The following PLXNA4 variants were observed in gnomAD, a reference collection of about 807,000 sequenced individuals.
The protein encoded by PLXNA4 is plexin A4.
Under a neutral mutation model 191.8 loss-of-function variants are expected in PLXNA4, and 44 were observed. That is an observed-to-expected ratio of 0.23 (90% CI 0.18 to 0.29). The LOEUF is 0.29. Among genes scored for constraint, PLXNA4 ranks in the 10% least tolerant of loss-of-function variants. PLXNA4 has a pLI of 1.00. For synonymous variants in PLXNA4, 1,082 were observed against 1,009.5 expected, an observed-to-expected ratio of 1.07 and a Z score of -1.36; for missense variants, 1,800 against 2,488.8, an observed-to-expected ratio of 0.72 and a Z score of 5.89.
chr7:132,403,779 T>C (rs926549673), intron 3 of PLXNA4, among the ~76,000 whole-genome samples: 2 of 152,036 alleles, frequency 1.3e-5, no homozygotes, highest in Non-Finnish European at 2.9e-5. Flanking sequence ...AAGAGGGCAT[T>C]TGGGGGCTTA....
At chr7:132,327,169 C>CAAAAAAA (rs60359571) in intron 3 of PLXNA4, among the ~76,000 whole-genome samples, 1 of 124,500 alleles carries the variant, frequency 8.0e-6, no homozygotes, top group African/African-American at 2.9e-5. Context: ...AAAAGGAAGG[C>CAAAAAAA]AAAAAAAAAA....
intron 2 of PLXNA4, among the ~76,000 whole-genome samples, chr7:132,584,148 C>A (rs1223832917): frequency 6.6e-6 from 1 of 152,136 alleles, no homozygotes; most frequent in Non-Finnish European, 1.5e-5. Flanking sequence ...GCATGGGAAC[C>A]CATCAGATAC....
At chr7:132,631,414 T>G (rs1803487718) in intron 2 of PLXNA4, among the ~76,000 whole-genome samples, 1 of 152,174 alleles carries the variant, frequency 6.6e-6, no homozygotes, top group Non-Finnish European at 1.5e-5. Flanking sequence ...TAACAAGTGT[T>G]TGATGAATCA....
intron 4 of PLXNA4, among the ~76,000 whole-genome samples, chr7:132,289,951 C>T (rs937413312): frequency 2.0e-4 from 31 of 152,146 alleles, no homozygotes; most frequent in Admixed American, 9.2e-4. Flanking sequence ...AGGTGGCCCT[C>T]GCCACTTCAC....
Position 132,153,571 on chromosome 7 carries a change from C to A in PLXNA4, c.4661-4925G>T, listed in dbSNP as rs766331672. On this transcript the variant is annotated intron_variant, in intron 25 of 31. Coordinates refer to ENST00000321063, the MANE Select transcript of PLXNA4 (RefSeq NM_020911.2). ...TCTAGGAAGGGGAGAGGTAGGGGGA[C>A]CCTGGCCTGCCTCCAAGTGTGTGGA... Among the ~76,000 whole-genome samples, 6 of 152,166 alleles carry A rather than the reference C, an allele frequency of 3.9e-5. No homozygotes were observed. In the East Asian group the frequency reaches 7.7e-4, roughly 20 times the overall value.
intron 3 of PLXNA4, among the ~76,000 whole-genome samples, chr7:132,484,530 C>T (rs1156505170): frequency 1.3e-5 from 2 of 152,220 alleles, no homozygotes; most frequent in Non-Finnish European, 2.9e-5. Flanking sequence ...TCATGGAAAT[C>T]GGTCAGCCCT....
At chr7:132,514,802 GCACACACACACA>G (rs10632716) in intron 1 of PLXNA4, among the ~76,000 whole-genome samples, 3 of 149,118 alleles carry the variant, frequency 2.0e-5, no homozygotes, top group South Asian at 2.1e-4. Flanking sequence ...GTGTCTCTAT[GCACACACACACA>G]CACACACACA....
At chr7:132,489,811 C>T (rs954220673) in intron 2 of PLXNA4, among the ~76,000 whole-genome samples, 3 of 152,112 alleles carry the variant, frequency 2.0e-5, no homozygotes, top group Admixed American at 1.3e-4. Flanking sequence ...GGAAAAGCCT[C>T]ACGTGGAAAA....
intron 3 of PLXNA4, among the ~76,000 whole-genome samples, chr7:132,372,575 C>G (rs1347879728): frequency 6.6e-6 from 1 of 152,218 alleles, no homozygotes; most frequent in Non-Finnish European, 1.5e-5. Context: ...AACGTGTCCT[C>G]TCTATCTTCA....
At chr7:132,363,489 G>C (rs1180865559) in intron 3 of PLXNA4, among the ~76,000 whole-genome samples, 1 of 152,134 alleles carries the variant, frequency 6.6e-6, no homozygotes, top group African/African-American at 2.4e-5. Context: ...ATGTCTTCAA[G>C]GTTCATCCAT....
intron 3 of PLXNA4, among the ~76,000 whole-genome samples, chr7:132,315,339 CT>C (rs1281583683): frequency 6.6e-6 from 1 of 152,186 alleles, no homozygotes. Context: ...TCAAAGACTT[CT>C]TGTCCAAAAC....
intron 1 of PLXNA4, among the ~76,000 whole-genome samples, chr7:132,528,952 T>C (rs1414442232): frequency 6.6e-6 from 1 of 152,220 alleles, no homozygotes; most frequent in African/African-American, 2.4e-5. Context: ...TCGCTGATGA[T>C]ACTTTGCTGC....
upstream of PLXNA4, among the ~76,000 whole-genome samples, chr7:132,581,489 G>T (rs191475052): frequency 7.5e-4 from 115 of 152,318 alleles, no homozygotes; most frequent in Admixed American, 1.3e-3. Flanking sequence ...CGCCACTGGT[G>T]GGTGTGCTTA....
intron 3 of PLXNA4, among the ~76,000 whole-genome samples, chr7:132,400,999 G>A (rs534477076): frequency 2.3e-4 from 35 of 152,318 alleles, no homozygotes; most frequent in African/African-American, 7.9e-4. Flanking sequence ...GGCCAGAAGA[G>A]GACTCCAGCG....
intron 3 of PLXNA4, among the ~76,000 whole-genome samples, chr7:132,466,563 G>T (rs995378144): frequency 6.6e-6 from 1 of 152,200 alleles, no homozygotes; most frequent in Non-Finnish European, 1.5e-5. Context: ...GAGCTGCTGT[G>T]GGGAAACCCC....
intron 3 of PLXNA4, among the ~76,000 whole-genome samples, chr7:132,456,237 G>A (rs771315189): frequency 1.3e-5 from 2 of 150,834 alleles, no homozygotes; most frequent in Non-Finnish European, 1.5e-5. Flanking sequence ...TCAGCCTCCC[G>A]AGTAGCTGGG....
chr7:132,222,731 C>A (rs1798188658), intron 9 of PLXNA4, among the ~76,000 whole-genome samples: 1 of 152,184 alleles, frequency 6.6e-6, no homozygotes, highest in African/African-American at 2.4e-5. Flanking sequence ...AGTCCTTGCC[C>A]ACACTCTGAC....
intron 4 of PLXNA4, among the ~76,000 whole-genome samples, chr7:132,270,887 A>G (rs1342844567): frequency 6.6e-6 from 1 of 152,360 alleles, no homozygotes; most frequent in Non-Finnish European, 1.5e-5. Context: ...AGAATTATAG[A>G]AAAATGTTTT....
intron 2 of PLXNA4, among the ~76,000 whole-genome samples, chr7:132,591,313 A>G (rs1802600300): frequency 6.6e-6 from 1 of 152,192 alleles, no homozygotes; most frequent in African/African-American, 2.4e-5. Context: ...CCCTCATCAA[A>G]TCACTCAAAC....
Sources: gnomAD v4.1 joint callset for allele counts (sites outside exome capture counted in the v4.1 genomes callset) on GRCh38, gnomAD v4.1.1 for gene constraint, MANE v1.5 for transcripts, NCBI Gene and HGNC (gene_info 2026-07-23, HGNC 2026-07-21) for gene names.